RAPGEF6: variants seen among roughly 807,000 people sequenced by gnomAD.
RAPGEF6 encodes the protein Rap guanine nucleotide exchange factor 6.
RAPGEF6 carries 56 observed loss-of-function variants against 171.4 expected under a neutral mutation model. That is an observed-to-expected ratio of 0.33 (90% CI 0.26 to 0.41). The LOEUF (loss-of-function observed/expected upper bound fraction) is 0.41. RAPGEF6 is among the 10% of genes least tolerant of loss of function. The pLI is 1.00. For synonymous variants in RAPGEF6, 692 were observed against 650.1 expected, an observed-to-expected ratio of 1.06 and a Z score of -0.98; for missense variants, 1,674 against 1,921.4, an observed-to-expected ratio of 0.87 and a Z score of 2.41.
chr5:131,428,008 A>T (rs76753180), intron 27 of RAPGEF6, among the ~76,000 whole-genome samples: 34,488 of 150,844 alleles, frequency 0.23, 4,192 homozygotes, highest in East Asian at 0.49. Flanking sequence ...GAGGCTGAGG[A>T]GGGAGAATTA....
rs1561484363 is a variant in RAPGEF6 at position 131,464,026 on chromosome 5, A to G, written c.2480+15T>C. On this transcript the variant is annotated intron_variant, in intron 18 of 27. Transcript: ENST00000509018. ...ACATCTACAAATAAGCACATCCACT[A>G]ATAAGCTTATTCACCTTCCATTGAG... 2.6e-6 allele frequency: 4 copies of G among 1,565,050 alleles called. No individual in the cohort carries two copies. Among genetic ancestry groups the G allele is most frequent in the Non-Finnish European group, 3.5e-6 (4 of 1,155,668 alleles).
intron 6 of RAPGEF6, among the ~76,000 whole-genome samples, chr5:131,533,850 A>T (rs1004136221): frequency 1.3e-5 from 2 of 152,102 alleles, no homozygotes; most frequent in African/African-American, 4.8e-5. Flanking sequence ...GTGAGTGTGG[A>T]CTAAAAAAAA....
intron 21 of RAPGEF6, among the ~76,000 whole-genome samples, chr5:131,452,507 C>T (rs1344268197): frequency 6.6e-6 from 1 of 151,476 alleles, no homozygotes; most frequent in African/African-American, 2.4e-5. Flanking sequence ...ATGAATTAAA[C>T]AGAAACAGAA....
intron 4 of RAPGEF6, among the ~76,000 whole-genome samples, chr5:131,566,210 A>G (rs1176316797): frequency 1.3e-5 from 2 of 151,834 alleles, no homozygotes; most frequent in African/African-American, 2.4e-5. Context: ...CTAAAATATA[A>G]TAATAAAATT....
At chr5:131,436,159 A>G (rs1282781874) in intron 24 of RAPGEF6, 1 of 1,537,768 alleles carries the variant, frequency 6.5e-7, no homozygotes, top group Non-Finnish European at 8.7e-7. Context: ...CCTTGAAAGC[A>G]TTCTTTCCCT....
intron 19 of RAPGEF6, among the ~76,000 whole-genome samples, chr5:131,459,115 AC>A (rs1753722925): frequency 6.6e-6 from 1 of 152,240 alleles, no homozygotes; most frequent in South Asian, 2.1e-4. Context: ...AGCAACTAAA[AC>A]AGTAAATGAA....
intron 6 of RAPGEF6, among the ~76,000 whole-genome samples, chr5:131,524,456 A>G (rs1758720684): frequency 6.6e-6 from 1 of 152,206 alleles, no homozygotes; most frequent in African/African-American, 2.4e-5. Context: ...GTGTATAACT[A>G]TAAAGCTAAC....
intron 25 of RAPGEF6, among the ~76,000 whole-genome samples, chr5:131,432,535 G>A (rs997689833): frequency 3.9e-5 from 6 of 152,040 alleles, no homozygotes; most frequent in Admixed American, 6.5e-5. Context: ...GGAGAACAGC[G>A]TGAACCCAGG....
chr5:131,509,944 G>A (rs1157191304), intron 8 of RAPGEF6, among the ~76,000 whole-genome samples: 2 of 152,158 alleles, frequency 1.3e-5, no homozygotes, highest in African/African-American at 2.4e-5. Flanking sequence ...TACTTACTTA[G>A]GGGGAAGCCT....
chr5:131,593,079 CAG>C (rs1297777614), intron 3 of RAPGEF6, among the ~76,000 whole-genome samples: 1 of 152,166 alleles, frequency 6.6e-6, no homozygotes, highest in East Asian at 1.9e-4. Context: ...ACACAGAACA[CAG>C]AGTCACTAGT....
chr5:131,459,503 A>C (rs903087423), intron 19 of RAPGEF6, among the ~76,000 whole-genome samples: 3 of 152,184 alleles, frequency 2.0e-5, no homozygotes, highest in African/African-American at 7.2e-5. Context: ...CTAACCACAA[A>C]ATGCAGAAAC....
At position 131,544,175 on chromosome 5, in the gene RAPGEF6, T is replaced by C. The variant is rs78739511; in HGVS notation, c.495+3872A>G. Reference sequence around the variant, plus strand: ...TATAAAGTTAAGCATACATTTGCCATATGACCAGTCACCCACTCCTGGGTA... The same window carrying C: ...TATAAAGTTAAGCATACATTTGCCACATGACCAGTCACCCACTCCTGGGTA... On this transcript the variant is annotated intron_variant, in intron 6 of 27. Coordinates refer to ENST00000509018, the MANE Select transcript of RAPGEF6 (RefSeq NM_016340.6). Among the ~76,000 whole-genome samples, 1,115 of 152,276 alleles carry C rather than the reference T, an allele frequency of 7.3e-3. 8 individuals are homozygous for C. The highest frequency in any genetic ancestry group is 0.025 in the African/African-American group (1,033 of 41,564).
rs148528529 is a variant in RAPGEF6 at position 131,479,645 on chromosome 5, C to A, written c.1949G>T (p.Gly650Val). ...SNRHSIQHVP[G>V]DIEQTSQEKG... ...CTCCTGTGATGTCTGTTCAATATCT[C>A]CTGGCACATGCTGGATAGAATGGCG... The change falls in exon 16 of 28, where the codon GGA (glycine) becomes GTA (valine). Residue 650 changes from glycine (G) to valine (V), a missense_variant. By Grantham distance (109) the Gly-to-Val change is moderately radical (BLOSUM62 -3). Transcript: ENST00000509018. 3.7e-6 allele frequency: 6 copies of A among 1,614,042 alleles called. No individual in the cohort carries two copies. Among genetic ancestry groups the A allele is most frequent in the Non-Finnish European group, 5.1e-6 (6 of 1,179,986 alleles).
At chr5:131,617,342 G>A (rs1242617767) in intron 1 of RAPGEF6, among the ~76,000 whole-genome samples, 2 of 152,190 alleles carry the variant, frequency 1.3e-5, no homozygotes, top group Non-Finnish European at 2.9e-5. Context: ...GGAGACAACC[G>A]TGTTTAAATT....
At chr5:131,555,233 G>A (rs1193019520) in intron 5 of RAPGEF6, among the ~76,000 whole-genome samples, 4 of 152,104 alleles carry the variant, frequency 2.6e-5, no homozygotes, top group Non-Finnish European at 4.4e-5. Context: ...TTAACTTAAC[G>A]AAGGTTTGTT....
chr5:131,433,784 T>A (rs1751859105), intron 24 of RAPGEF6, 126 bp from the exon 25 acceptor site: 2 of 724,084 alleles, frequency 2.8e-6, no homozygotes, highest in Non-Finnish European at 4.5e-6. Flanking sequence ...GCAATTTTAG[T>A]TTCCATCTAT....
chr5:131,586,225 G>A (rs189342008), intron 4 of RAPGEF6, among the ~76,000 whole-genome samples: 119 of 152,152 alleles, frequency 7.8e-4, no homozygotes, highest in African/African-American at 2.6e-3. Flanking sequence ...GACAGAGTGG[G>A]GAAAAGTATT....
At chr5:131,571,882 C>T (rs988144328) in intron 4 of RAPGEF6, among the ~76,000 whole-genome samples, 1 of 152,096 alleles carries the variant, frequency 6.6e-6, no homozygotes, top group Non-Finnish European at 1.5e-5. Flanking sequence ...GATAATGTAC[C>T]CTTGTGAATG....
At chr5:131,612,293 TGTACA>T (rs1050239238) in intron 1 of RAPGEF6, among the ~76,000 whole-genome samples, 1 of 151,312 alleles carries the variant, frequency 6.6e-6, no homozygotes, top group Non-Finnish European at 1.5e-5. Flanking sequence ...CACCGTTTTC[TGTACA>T]GTATTCAATA....
Sources: allele counts gnomAD v4.1 joint callset (sites outside exome capture counted in the v4.1 genomes callset), GRCh38; gene constraint gnomAD v4.1.1; transcripts MANE v1.5; gene names NCBI Gene and HGNC (gene_info 2026-07-23, HGNC 2026-07-21).